MRPS25: variants seen among roughly 807,000 people sequenced by gnomAD.
MRPS25 encodes the protein mitochondrial ribosomal protein S25, also known as small ribosomal subunit protein mS25.
Under a neutral mutation model 17.3 loss-of-function variants are expected in MRPS25, and 15 were observed. That is an observed-to-expected ratio of 0.87 (90% confidence interval 0.58 to 1.34). The LOEUF is 1.34. Ranked by LOEUF, MRPS25 falls within the 40% of genes most tolerant of loss-of-function variation. The probability of loss-of-function intolerance (pLI) is 0.00; values close to 1 mark genes in which losing one functional copy is unlikely to be tolerated. For missense variants in MRPS25, 225 were observed against 218.6 expected (o/e 1.03, Z -0.19); for synonymous variants, 94 against 83.3 (o/e 1.13, Z -0.70).
chr3:15,048,322 A>G (rs1440908533), downstream of MRPS25: 1 of 152,634 alleles, frequency 6.6e-6, no homozygotes, highest in African/African-American at 2.4e-5. Flanking sequence ...TTCTAGTTAA[A>G]ATGCAATTGG....
At chr3:15,059,912 G>A (rs1485947783) in intron 1 of MRPS25, among the ~76,000 whole-genome samples, 2 of 151,254 alleles carry the variant, frequency 1.3e-5, no homozygotes, top group African/African-American at 4.9e-5. Flanking sequence ...TTTTACAATT[G>A]AGGAGTGGAG....
chr3:15,052,479 TC>T lies in MRPS25; in HGVS notation c.483del (p.Lys162SerfsTer6). ...TCGGCTTTCAGAGCGGCTTTGTACT[TC>T]CCCCTCATCTCCTTGGGTAATGGCA... ...SLVPLPKEMR[G>X]KYKAALKADA... On this transcript the variant is annotated frameshift_variant, in exon 4 of 4. Transcript: ENST00000253686. LOFTEE classifies it high-confidence loss of function. The T allele has an allele frequency of 1.2e-5, 20 of 1,613,938 alleles. No homozygotes were observed. Among genetic ancestry groups the T allele is most frequent in the Non-Finnish European group, 1.7e-5 (20 of 1,179,968 alleles).
At position 15,050,873 on chromosome 3, in the gene MRPS25, A is replaced by C. The variant is rs2042594147; in HGVS notation, c.*1568T>G. 1 of 985,324 alleles carries C rather than the reference A, an allele frequency of 1.0e-6. No individual in the cohort carries two copies. Among genetic ancestry groups the C allele is most frequent in the Admixed American group, 6.2e-5 (1 of 16,260 alleles). 61.0% of individuals were successfully genotyped at this position (985,324 alleles called of 1,614,324 possible). ...CAAATCTGCTCAATTTAATGTGATA[A>C]TCTCCAACAGTTAATGAAACACATC... On this transcript the variant is annotated 3_prime_UTR_variant, in exon 4 of 4. Coordinates refer to ENST00000253686, the MANE Select transcript of MRPS25 (RefSeq NM_022497.5).
intron 2 of MRPS25, among the ~76,000 whole-genome samples, chr3:15,057,695 G>C (rs573686532): frequency 6.6e-6 from 1 of 152,344 alleles, no homozygotes; most frequent in African/African-American, 2.4e-5. Context: ...ATGTACGTAA[G>C]TGTACAGGTA....
chr3:15,053,898 G>A (rs868105552), intron 2 of MRPS25, among the ~76,000 whole-genome samples: 17 of 152,118 alleles, frequency 1.1e-4, no homozygotes, highest in African/African-American at 1.9e-4. Context: ...ATGGGAGAAC[G>A]TTTACTTTCC....
downstream of MRPS25, chr3:15,043,034 C>A: frequency 6.2e-7 from 1 of 1,607,762 alleles, no homozygotes; most frequent in Non-Finnish European, 8.5e-7. Flanking sequence ...TGCCAAGGAG[C>A]AACAGAATCC....
At chr3:15,042,817 G>A (rs1230568442), downstream of MRPS25, 2 of 1,610,092 alleles carry the variant, frequency 1.2e-6, no homozygotes, top group African/African-American at 2.7e-5. Flanking sequence ...CTTTTCTAAT[G>A]ACACTCCCTT....
intron 2 of MRPS25, among the ~76,000 whole-genome samples, chr3:15,058,672 G>T (rs923689765): frequency 1.3e-5 from 2 of 152,184 alleles, no homozygotes; most frequent in African/African-American, 4.8e-5. Flanking sequence ...TTTGTTTCCT[G>T]AAGCATTTCC....
intron 2 of MRPS25, 143 bp downstream of exon 2, chr3:15,059,226 A>T: frequency 3.2e-6 from 2 of 634,222 alleles, no homozygotes; most frequent in Non-Finnish European, 5.7e-6. Context: ...GTGCCTCGGT[A>T]TGGGGAAGCC....
chr3:15,045,379 G>A (rs567115607), downstream of MRPS25: 1 of 152,786 alleles, frequency 6.5e-6, no homozygotes, highest in South Asian at 2.1e-4. Context: ...GGATAAGGAA[G>A]TGTTGGGCTG....
Position 15,049,986 on chromosome 3 carries a change from T to C in MRPS25, c.*2455A>G, listed in dbSNP as rs1464476718. 2.0e-6 allele frequency: 3 copies of C among 1,475,854 alleles called. No homozygotes were observed. The highest frequency in any genetic ancestry group is 2.7e-6 in the Non-Finnish European group (3 of 1,128,746). The allele number at this position is 1,475,854 out of a possible 1,614,324, so 91.4% of individuals were successfully genotyped here. A position where few individuals can be genotyped will look rare whatever the true frequency, so the allele number is the denominator to read the frequency against. The stretch of plus-strand genomic sequence containing the variant: ...TCAGAATAAGGCTGTGAACACTGCT[T>C]GTGCAAGTAAAATTAAGAACATGTT... On this transcript the variant is annotated 3_prime_UTR_variant, in exon 4 of 4. Coordinates refer to ENST00000253686, the MANE Select transcript of MRPS25 (RefSeq NM_022497.5).
chr3:15,052,658 C>T (rs1436874873), intron 3 of MRPS25, 25 bp from the exon 4 acceptor site: 2 of 1,605,326 alleles, frequency 1.2e-6, no homozygotes, highest in Admixed American at 3.3e-5. Flanking sequence ...AGACGGCAAC[C>T]AAGCATTGGC....
chr3:15,064,689 G>A (rs192693308), intron 1 of MRPS25, among the ~76,000 whole-genome samples: 211 of 152,370 alleles, frequency 1.4e-3, no homozygotes, highest in Middle Eastern at 0.01. Flanking sequence ...GATTCGTCCT[G>A]GGGTGTCACC....
intron 2 of MRPS25, among the ~76,000 whole-genome samples, chr3:15,054,187 G>A (rs921030114): frequency 6.6e-6 from 1 of 151,966 alleles, no homozygotes; most frequent in Non-Finnish European, 1.5e-5. Context: ...CTCCAGTCTG[G>A]GCAACAGTGT....
chr3:15,055,674 T>G (rs2042661093), intron 2 of MRPS25, among the ~76,000 whole-genome samples: 1 of 152,196 alleles, frequency 6.6e-6, no homozygotes, highest in Middle Eastern at 3.2e-3. Flanking sequence ...TAAGTGAATT[T>G]AGGATAGAAA....
chr3:15,061,934 G>A (rs1317991004), intron 1 of MRPS25, among the ~76,000 whole-genome samples: 7 of 147,734 alleles, frequency 4.7e-5, no homozygotes, highest in African/African-American at 1.8e-4. Flanking sequence ...GAGCCCCTCC[G>A]CCCGGCAGCC....
At chr3:15,057,934 G>A (rs1039169085) in intron 2 of MRPS25, among the ~76,000 whole-genome samples, 1 of 152,158 alleles carries the variant, frequency 6.6e-6, no homozygotes, top group Non-Finnish European at 1.5e-5. Flanking sequence ...GCCCAGGCTG[G>A]CGTGCAGTGG....
intron 1 of MRPS25, among the ~76,000 whole-genome samples, chr3:15,063,648 A>G (rs544514868): frequency 2.0e-5 from 3 of 152,210 alleles, no homozygotes; most frequent in East Asian, 3.8e-4. Context: ...CTGAGAATGT[A>G]AGTAAGAGGC....
chr3:15,045,621 C>A (rs1341161638), downstream of MRPS25: 1 of 152,650 alleles, frequency 6.6e-6, no homozygotes, highest in African/African-American at 2.4e-5. Context: ...TCATTTCAAG[C>A]CTCTGACTGC....
Sources: allele counts gnomAD v4.1 joint callset (sites outside exome capture counted in the v4.1 genomes callset), GRCh38; gene constraint gnomAD v4.1.1; transcripts MANE v1.5; gene names NCBI Gene and HGNC (gene_info 2026-07-23, HGNC 2026-07-21).